The following ZEB2 variants were observed in gnomAD, a reference collection of about 807,000 sequenced individuals.
The protein encoded by ZEB2 is zinc finger E-box-binding homeobox 2.
In ZEB2, 6 loss-of-function variants were observed where a neutral mutation model predicts 99.9. That is an observed-to-expected ratio of 0.06 (90% CI 0.03 to 0.12). The LOEUF (loss-of-function observed/expected upper bound fraction) is 0.12, where lower values mean the gene tolerates loss of function less well. ZEB2 is among the 10% of genes least tolerant of loss of function. The pLI is 1.00. For synonymous variants in ZEB2, 517 were observed against 542.5 expected, an observed-to-expected ratio of 0.95 and a Z score of 0.65; for missense variants, 969 against 1,502.8, an observed-to-expected ratio of 0.64 and a Z score of 5.87.
intron 2 of ZEB2, among the ~76,000 whole-genome samples, chr2:144,478,382 C>T (rs1250968257): frequency 6.6e-6 from 1 of 152,138 alleles, no homozygotes; most frequent in Non-Finnish European, 1.5e-5. Context: ...CACTTCGTAC[C>T]CACTGTGAAA....
intron 2 of ZEB2, chr2:144,470,365 C>T (rs1052286689): frequency 1.3e-5 from 2 of 152,158 alleles, no homozygotes; most frequent in Non-Finnish European, 2.9e-5. Context: ...GAAGTCATAA[C>T]TTTATAGTAC....
chr2:144,448,976 A>C (rs971257118), intron 2 of ZEB2: 17 of 152,178 alleles, frequency 1.1e-4, no homozygotes, highest in African/African-American at 4.1e-4. Flanking sequence ...GTACTTAGGT[A>C]CTTATTTTTT....
intron 2 of ZEB2, among the ~76,000 whole-genome samples, chr2:144,509,524 A>G (rs1704999521): frequency 6.6e-6 from 1 of 152,190 alleles, no homozygotes; most frequent in African/African-American, 2.4e-5. Flanking sequence ...ATCTTCCACA[A>G]GGGTTATTGG....
chr2:144,431,535 C>T (rs1194722391), intron 2 of ZEB2, among the ~76,000 whole-genome samples: 3 of 151,816 alleles, frequency 2.0e-5, no homozygotes, highest in Non-Finnish European at 2.9e-5. Context: ...AAAATGAAAA[C>T]GGCAGCGGAG....
intron 4 of ZEB2, among the ~76,000 whole-genome samples, chr2:144,413,459 T>C (rs1703492371): frequency 6.6e-6 from 1 of 152,226 alleles, no homozygotes; most frequent in Non-Finnish European, 1.5e-5. Flanking sequence ...TGGCGTTCAC[T>C]GATTATAGTC....
At chr2:144,493,359 T>C (rs1395193590) in intron 2 of ZEB2, among the ~76,000 whole-genome samples, 3 of 152,174 alleles carry the variant, frequency 2.0e-5, no homozygotes, top group African/African-American at 7.2e-5. Context: ...TGTGTAATAC[T>C]CCCAAAGATT....
chr2:144,467,264 A>G (rs1164740886), intron 2 of ZEB2, among the ~76,000 whole-genome samples: 1 of 152,144 alleles, frequency 6.6e-6, no homozygotes, highest in Non-Finnish European at 1.5e-5. Flanking sequence ...TTCCTCTTAA[A>G]GAAGGTAAAT....
At chr2:144,493,987 C>T (rs1382693673) in intron 2 of ZEB2, among the ~76,000 whole-genome samples, 2 of 151,780 alleles carry the variant, frequency 1.3e-5, no homozygotes, top group African/African-American at 4.8e-5. Flanking sequence ...CCTGTCTCTA[C>T]TAAAAATACA....
At position 144,499,491 on chromosome 2, in the gene ZEB2, TGAAAG is replaced by T. The variant is rs573535535; in HGVS notation, c.73+17782_73+17786del. 3.1e-4 allele frequency among the ~76,000 whole-genome samples: 47 copies of T among 152,304 alleles called. No homozygotes were observed. In the East Asian group the frequency reaches 8.5e-3, roughly 28 times the overall value. ...GTTTTGTAGAAAGTTGCATCTTTGTTGAAAGGAAAGATGACATTGAAAAACAGTTA... is the reference window on the plus strand; with the variant it reads ...GTTTTGTAGAAAGTTGCATCTTTGTTGAAAGATGACATTGAAAAACAGTTA... On this transcript the variant is annotated intron_variant, in intron 2 of 9. Transcript: ENST00000627532.
intron 2 of ZEB2, chr2:144,494,676 C>G (rs981789573): frequency 2.0e-5 from 3 of 152,072 alleles, no homozygotes; most frequent in Admixed American, 6.5e-5. Context: ...TTTACAAATG[C>G]CTGTTTCATA....
intron 4 of ZEB2, 50 bp downstream of exon 4, chr2:144,424,744 AAC>A: frequency 1.2e-6 from 2 of 1,605,076 alleles, no homozygotes; most frequent in Non-Finnish European, 1.7e-6. Flanking sequence ...TGCCTCACTA[AAC>A]CCACATGACA....
intron 2 of ZEB2, among the ~76,000 whole-genome samples, chr2:144,448,157 G>T (rs1245896148): frequency 6.6e-6 from 1 of 152,190 alleles, no homozygotes; most frequent in African/African-American, 2.4e-5. Context: ...TGCTAATTTT[G>T]TGACAATCCT....
chr2:144,513,844 C>T (rs748343559), intron 2 of ZEB2: 7 of 1,534,360 alleles, frequency 4.6e-6, no homozygotes, highest in Middle Eastern at 3.3e-4. Context: ...AAAAGGGGGG[C>T]TGGGTTTTCC....
intron 2 of ZEB2, chr2:144,445,151 G>C (rs558515320): frequency 6.6e-6 from 1 of 152,212 alleles, no homozygotes; most frequent in African/African-American, 2.4e-5. Flanking sequence ...AACAACAATG[G>C]CAAGATGGAG....
At chr2:144,421,523 TTAAC>T (rs1177197171) in intron 4 of ZEB2, among the ~76,000 whole-genome samples, 1 of 152,222 alleles carries the variant, frequency 6.6e-6, no homozygotes, top group Non-Finnish European at 1.5e-5. Flanking sequence ...AAATTTCTAA[TTAAC>T]TAAGTCCAGT....
chr2:144,505,150 GA>G (rs201575142), intron 2 of ZEB2, among the ~76,000 whole-genome samples: 3,801 of 121,966 alleles, frequency 0.031, 63 homozygotes, highest in South Asian at 0.062. Context: ...AGAGAGAGAA[GA>G]AAAAAAAAAA....
intron 9 of ZEB2, among the ~76,000 whole-genome samples, chr2:144,396,106 T>G (rs529313888): frequency 1.3e-5 from 2 of 152,334 alleles, no homozygotes; most frequent in Non-Finnish European, 2.9e-5. Flanking sequence ...TGAAGGTATT[T>G]TCAATAACTG....
intron 4 of ZEB2, among the ~76,000 whole-genome samples, chr2:144,405,668 A>G (rs1168308633): frequency 2.0e-5 from 3 of 152,106 alleles, no homozygotes; most frequent in Non-Finnish European, 4.4e-5. Flanking sequence ...TTTAATCTTT[A>G]GTTCCGTATT....
chr2:144,451,995 G>C (rs1047958291), intron 2 of ZEB2, among the ~76,000 whole-genome samples: 1 of 152,088 alleles, frequency 6.6e-6, no homozygotes, highest in Non-Finnish European at 1.5e-5. Flanking sequence ...AGTTGTGGGA[G>C]AGATGAGGAA....
Sources: gnomAD v4.1 joint callset for allele counts (sites outside exome capture counted in the v4.1 genomes callset) on GRCh38, gnomAD v4.1.1 for gene constraint, MANE v1.5 for transcripts, NCBI Gene and HGNC (gene_info 2026-07-23, HGNC 2026-07-21) for gene names.